Variants in SEMA3D observed in about 807,000 individuals in gnomAD.
SEMA3D encodes the protein semaphorin 3D, also known as semaphorin-3D.
Under a neutral mutation model 100.1 loss-of-function variants are expected in SEMA3D, and 84 were observed. That is an observed-to-expected ratio of 0.84 (90% CI 0.70 to 1.01). SEMA3D has a LOEUF of 1.01. Among genes scored for constraint, SEMA3D ranks in the 50% least tolerant of loss-of-function variants. The pLI, the probability that SEMA3D is intolerant of heterozygous loss-of-function variation, is 0.00. For missense variants in SEMA3D, 875 were observed against 934.1 expected, an observed-to-expected ratio of 0.94 and a Z score of 0.82; for synonymous variants, 312 against 320.7, an observed-to-expected ratio of 0.97 and a Z score of 0.29.
chr7:85,130,363 A>T (rs2116431219), intron 2 of SEMA3D, among the ~76,000 whole-genome samples: 1 of 152,298 alleles, frequency 6.6e-6, no homozygotes, highest in African/African-American at 2.4e-5. Context: ...CATTTTTTAT[A>T]TTTCTAATGA....
chr7:85,191,284 C>T (rs1791689720), upstream of SEMA3D, among the ~76,000 whole-genome samples: 1 of 152,046 alleles, frequency 6.6e-6, no homozygotes, highest in South Asian at 2.1e-4. Flanking sequence ...ATAATTTAGT[C>T]AGATAAATGG....
At chr7:85,227,936 T>C in the SEMA3D span, among the ~76,000 whole-genome samples, 1 of 152,192 alleles carries the variant, frequency 6.6e-6, no homozygotes, top group African/African-American at 2.4e-5. Context: ...AATAATTATA[T>C]GACTCAAGTA....
At chr7:85,076,259 G>C (rs1791918053) in intron 5 of SEMA3D, among the ~76,000 whole-genome samples, 1 of 152,072 alleles carries the variant, frequency 6.6e-6, no homozygotes, top group East Asian at 1.9e-4. Flanking sequence ...GAAAGAAAAA[G>C]GGAAGAGGGG....
the SEMA3D span, among the ~76,000 whole-genome samples, chr7:85,217,736 A>G: frequency 6.6e-6 from 1 of 151,918 alleles, no homozygotes; most frequent in African/African-American, 2.4e-5. Context: ...GCCCATTATG[A>G]CTCTACCAAG....
At chr7:85,128,143 ATTTAT>A (rs1554346226) in intron 2 of SEMA3D, among the ~76,000 whole-genome samples, 23 of 151,446 alleles carry the variant, frequency 1.5e-4, no homozygotes, top group South Asian at 1.5e-3. Flanking sequence ...CTATGTTTTT[ATTTAT>A]TTTATTTTAT....
intron 8 of SEMA3D, among the ~76,000 whole-genome samples, chr7:85,057,970 C>T (rs1791369453): frequency 6.6e-6 from 1 of 152,098 alleles, no homozygotes; most frequent in South Asian, 2.1e-4. Context: ...CGTTGGATTC[C>T]GAGTGATGGG....
chr7:85,159,523 T>C (rs1416004795), intron 1 of SEMA3D, among the ~76,000 whole-genome samples: 1 of 152,158 alleles, frequency 6.6e-6, no homozygotes, highest in African/African-American at 2.4e-5. Context: ...CTGAAGGTGT[T>C]TTGATGCAAT....
intron 1 of SEMA3D, among the ~76,000 whole-genome samples, chr7:85,157,991 C>A (rs899239612): frequency 6.6e-6 from 1 of 152,134 alleles, no homozygotes; most frequent in Non-Finnish European, 1.5e-5. Flanking sequence ...CCAATCAATA[C>A]CCTTGTGATT....
At chr7:85,204,087 T>G in the SEMA3D span, among the ~76,000 whole-genome samples, 1 of 151,938 alleles carries the variant, frequency 6.6e-6, no homozygotes, top group South Asian at 2.1e-4. Context: ...ATAACTACTT[T>G]TTATATTACT....
At chr7:85,046,048 G>A (rs1488248986) in intron 9 of SEMA3D, among the ~76,000 whole-genome samples, 1 of 151,904 alleles carries the variant, frequency 6.6e-6, no homozygotes, top group South Asian at 2.1e-4. Context: ...AAACATATCA[G>A]TGATCATGAA....
intron 14 of SEMA3D, among the ~76,000 whole-genome samples, chr7:85,019,509 G>A (rs1790195122): frequency 6.6e-6 from 1 of 151,518 alleles, no homozygotes; most frequent in Non-Finnish European, 1.5e-5. Context: ...CTCTTTTAAA[G>A]CATTATTTAC....
At chr7:85,141,888 G>C in intron 2 of SEMA3D, 9 of 960,332 alleles carry the variant, frequency 9.4e-6, no homozygotes, top group Non-Finnish European at 1.1e-5. Context: ...GACCTTCTTG[G>C]AGTAAATTTA....
intron 3 of SEMA3D, among the ~76,000 whole-genome samples, chr7:85,110,872 T>G (rs779163137): frequency 6.6e-6 from 1 of 152,042 alleles, no homozygotes; most frequent in Non-Finnish European, 1.5e-5. Context: ...TCCAGTCCCA[T>G]GCTCTCAAGA....
chr7:85,032,652 T>C (rs1790579364), intron 12 of SEMA3D, among the ~76,000 whole-genome samples: 1 of 152,088 alleles, frequency 6.6e-6, no homozygotes, highest in African/African-American at 2.4e-5. Context: ...CTCAACATTA[T>C]TAGTCTCATA....
chr7:85,170,971 T>A (rs1485278386), intron 1 of SEMA3D, among the ~76,000 whole-genome samples: 2 of 152,052 alleles, frequency 1.3e-5, no homozygotes, highest in Non-Finnish European at 1.5e-5. Context: ...ACTCATTGCA[T>A]TTTGGATGCA....
intron 4 of SEMA3D, among the ~76,000 whole-genome samples, chr7:85,084,942 CCATT>C (rs1420224653): frequency 6.6e-6 from 1 of 152,148 alleles, no homozygotes; most frequent in Non-Finnish European, 1.5e-5. Context: ...GCCTCCAACT[CCATT>C]CATGTTTCTG....
At chr7:85,179,998 G>T (rs35653848) in intron 1 of SEMA3D, among the ~76,000 whole-genome samples, 1 of 152,176 alleles carries the variant, frequency 6.6e-6, no homozygotes, top group African/African-American at 2.4e-5. Context: ...AATGAGTTAA[G>T]ACTTTGGGGA....
intron 1 of SEMA3D, among the ~76,000 whole-genome samples, chr7:85,158,761 G>A (rs932552405): frequency 2.4e-4 from 36 of 151,952 alleles, no homozygotes; most frequent in Admixed American, 1.3e-4. Flanking sequence ...TGTCTCCTCT[G>A]GACACTCAGC....
intron 2 of SEMA3D, among the ~76,000 whole-genome samples, chr7:85,135,955 C>T (rs1003750770): frequency 6.6e-6 from 1 of 151,946 alleles, no homozygotes; most frequent in African/African-American, 2.4e-5. Context: ...AAGCATTTAT[C>T]CTGTCTATAC....
Sources: allele counts gnomAD v4.1 joint callset (sites outside exome capture counted in the v4.1 genomes callset), GRCh38; gene constraint gnomAD v4.1.1; transcripts MANE v1.5; gene names NCBI Gene and HGNC (gene_info 2026-07-23, HGNC 2026-07-21).